CMSS1: variants seen among roughly 807,000 people sequenced by gnomAD.
CMSS1 encodes cms1 ribosomal small subunit homolog, also known as protein CMSS1.
In CMSS1, 33 loss-of-function variants were observed where a neutral mutation model predicts 43.5. The observed-to-expected ratio is 0.76, with a 90% CI of 0.57 to 1.01. The LOEUF is 1.01. Among genes scored for constraint, CMSS1 ranks in the 50% least tolerant of loss-of-function variants. The pLI, the probability that CMSS1 is intolerant of heterozygous loss-of-function variation, is 0.00. For synonymous variants in CMSS1, 115 were observed against 117.2 expected, an observed-to-expected ratio of 0.98 and a Z score of 0.12; for missense variants, 313 against 326.4, an observed-to-expected ratio of 0.96 and a Z score of 0.32.
At chr3:99,900,515 C>G (rs1368420923) in intron 1 of CMSS1, among the ~76,000 whole-genome samples, 1 of 152,162 alleles carries the variant, frequency 6.6e-6, no homozygotes, top group African/African-American at 2.4e-5. Context: ...TGGCCATAGA[C>G]AAGATTTCAA....
At chr3:100,115,239 G>C (rs1454174856) in intron 1 of CMSS1, among the ~76,000 whole-genome samples, 2 of 152,094 alleles carry the variant, frequency 1.3e-5, no homozygotes, top group East Asian at 3.9e-4. Context: ...CAGTGCTCAA[G>C]TCATGCATTA....
intron 1 of CMSS1, among the ~76,000 whole-genome samples, chr3:99,863,120 G>C (rs1018371810): frequency 2.0e-5 from 3 of 152,222 alleles, no homozygotes; most frequent in African/African-American, 4.8e-5. Context: ...GGACATGGGA[G>C]AGGGTGGTGG....
chr3:100,089,876 C>T (rs148168225), intron 1 of CMSS1, among the ~76,000 whole-genome samples: 2 of 152,318 alleles, frequency 1.3e-5, no homozygotes, highest in African/African-American at 4.8e-5. Context: ...TGGAGCAAGT[C>T]TTGTCTTCCG....
intron 1 of CMSS1, among the ~76,000 whole-genome samples, chr3:100,111,260 G>C (rs2066485992): frequency 6.6e-6 from 1 of 152,110 alleles, no homozygotes; most frequent in Non-Finnish European, 1.5e-5. Context: ...ATGTTTTCCT[G>C]TTTGCTAATA....
intron 1 of CMSS1, among the ~76,000 whole-genome samples, chr3:100,116,001 T>G (rs1197914421): frequency 6.6e-6 from 1 of 152,200 alleles, no homozygotes; most frequent in East Asian, 1.9e-4. Context: ...GTTCCTTAGT[T>G]TAGATTTGTG....
chr3:99,912,090 A>G (rs141111971), intron 1 of CMSS1, among the ~76,000 whole-genome samples: 6 of 152,338 alleles, frequency 3.9e-5, no homozygotes, highest in East Asian at 1.9e-4. Flanking sequence ...ATAGTTTTAT[A>G]TCTATCTTGT....
At chr3:99,849,153 C>T (rs1352058896) in intron 1 of CMSS1, 15 of 1,614,014 alleles carry the variant, frequency 9.3e-6, no homozygotes, top group African/African-American at 6.7e-5. Flanking sequence ...GCACAGATCC[C>T]TCATCATTAG....
intron 1 of CMSS1, among the ~76,000 whole-genome samples, chr3:99,917,373 G>A (rs977391802): frequency 4.6e-5 from 7 of 152,186 alleles, no homozygotes; most frequent in Middle Eastern, 3.4e-3. Flanking sequence ...TGGACCTCCC[G>A]TAACACCAGG....
At chr3:100,022,931 C>G (rs2064852159) in intron 1 of CMSS1, among the ~76,000 whole-genome samples, 1 of 152,190 alleles carries the variant, frequency 6.6e-6, no homozygotes, top group African/African-American at 2.4e-5. Context: ...AGATCTGACA[C>G]TAGATGCACC....
intron 1 of CMSS1, among the ~76,000 whole-genome samples, chr3:100,083,305 A>G (rs1559751727): frequency 6.6e-6 from 1 of 152,232 alleles, no homozygotes; most frequent in Admixed American, 6.5e-5. Flanking sequence ...GTTAATTGCC[A>G]AAGGATTATT....
intron 1 of CMSS1, among the ~76,000 whole-genome samples, chr3:99,990,482 CAA>C (rs1709479719): frequency 6.6e-6 from 1 of 152,192 alleles, no homozygotes; most frequent in South Asian, 2.1e-4. Flanking sequence ...CACCTTCTCT[CAA>C]CTTAAAGTCA....
At position 99,875,926 on chromosome 3, in the gene CMSS1, G is replaced by GA. The variant is rs1490331828; in HGVS notation, c.64+57885dup. Reference sequence around the variant, plus strand: ...TTTTGTGTGAGTTGGAAACGGTTTTGAACCTAGAATTCATTGGATGCGCTT... The same window carrying GA: ...TTTTGTGTGAGTTGGAAACGGTTTTGAAACCTAGAATTCATTGGATGCGCTT... On this transcript the variant is annotated intron_variant, in intron 1 of 9. Coordinates refer to ENST00000421999, the MANE Select transcript of CMSS1 (RefSeq NM_032359.4). The GA allele has an allele frequency of 7.2e-6, 3 of 416,748 alleles. No individual in the cohort carries two copies. In the East Asian group the frequency reaches 4.8e-4, roughly 66 times the overall value. 25.8% of individuals were successfully genotyped at this position (416,748 alleles called of 1,614,324 possible).
chr3:99,900,744 G>C (rs1226497633), intron 1 of CMSS1, among the ~76,000 whole-genome samples: 1 of 152,176 alleles, frequency 6.6e-6, no homozygotes, highest in Non-Finnish European at 1.5e-5. Context: ...CTGCACGTTG[G>C]AACTACCTGG....
intron 1 of CMSS1, among the ~76,000 whole-genome samples, chr3:99,962,817 G>C (rs1708534213): frequency 6.6e-6 from 1 of 152,140 alleles, no homozygotes; most frequent in Admixed American, 6.5e-5. Flanking sequence ...GAACAAATTG[G>C]GAAAGATTTA....
intron 1 of CMSS1, among the ~76,000 whole-genome samples, chr3:100,074,633 A>G (rs1040572823): frequency 1.6e-5 from 2 of 122,370 alleles, no homozygotes; most frequent in African/African-American, 3.1e-5. Flanking sequence ...TTGGTTCCCA[A>G]TGTTTCTTTT....
chr3:99,852,570 C>T (rs573497443), intron 1 of CMSS1, among the ~76,000 whole-genome samples: 2 of 152,094 alleles, frequency 1.3e-5, no homozygotes, highest in South Asian at 2.1e-4. Flanking sequence ...CTCAGCCTCC[C>T]GAGTAGCTGG....
At chr3:99,924,681 A>G (rs1447918856) in intron 1 of CMSS1, among the ~76,000 whole-genome samples, 2 of 151,844 alleles carry the variant, frequency 1.3e-5, no homozygotes, top group Non-Finnish European at 2.9e-5. Flanking sequence ...ACCATGCCCA[A>G]CTAATTTTTT....
chr3:99,940,899 C>G (rs1707830986), intron 1 of CMSS1, among the ~76,000 whole-genome samples: 1 of 152,210 alleles, frequency 6.6e-6, no homozygotes. Context: ...ATCTAAGGAA[C>G]TGTGACTAGA....
chr3:100,173,663 G>A (rs1267774589), intron 8 of CMSS1, among the ~76,000 whole-genome samples: 1 of 152,214 alleles, frequency 6.6e-6, no homozygotes, highest in Non-Finnish European at 1.5e-5. Context: ...TTTGAAGTGT[G>A]GGGAGGATTG....
Sources: gnomAD v4.1 joint callset for allele counts (sites outside exome capture counted in the v4.1 genomes callset) on GRCh38, gnomAD v4.1.1 for gene constraint, MANE v1.5 for transcripts, NCBI Gene and HGNC (gene_info 2026-07-23, HGNC 2026-07-21) for gene names.